Variants in UNCX observed in about 807,000 individuals in gnomAD.
UNCX encodes UNC homeobox, also known as homeobox protein unc-4 homolog.
A neutral mutation model predicts 14.8 loss-of-function variants in UNCX; 4 were observed. The ratio of observed to expected loss-of-function variants is 0.27; its 90% confidence interval spans 0.13 to 0.62. UNCX has a LOEUF of 0.62. Among genes scored for constraint, UNCX ranks in the 20% least tolerant of loss-of-function variants. The pLI is 0.86. For synonymous variants in UNCX, 459 were observed against 395.8 expected (o/e 1.16, Z -1.90); for missense variants, 749 against 786.8 (o/e 0.95, Z 0.58).
At chr7:1,235,703 C>G (rs919918431) in intron 2 of UNCX, 129 bp from the exon 3 acceptor site, 29 of 813,122 alleles carry the variant, frequency 3.6e-5, no homozygotes, top group Non-Finnish European at 5.5e-5. Flanking sequence ...CTCGGCCGCG[C>G]GGCTTCACTC....
intron 2 of UNCX, among the ~76,000 whole-genome samples, chr7:1,235,303 T>C (rs1778717254): frequency 6.6e-6 from 1 of 152,186 alleles, no homozygotes; most frequent in Non-Finnish European, 1.5e-5. Context: ...GAAGCACCCA[T>C]ATTTCCCTTC....
chr7:1,235,665 C>G (rs1778724855), intron 2 of UNCX, among the ~76,000 whole-genome samples, 167 bp from the exon 3 acceptor site: 1 of 152,236 alleles, frequency 6.6e-6, no homozygotes, highest in Non-Finnish European at 1.5e-5. Flanking sequence ...ACCTGCAGCT[C>G]CAGTGGCAAA....
rs1312705326 is a variant in UNCX at position 1,236,345 on chromosome 7, G to C, written c.964G>C (p.Gly322Arg). The change falls in exon 3 of 3, where the codon GGC (glycine) becomes CGC (arginine). Residue 322 changes from glycine to arginine, a missense_variant. By Grantham distance (125) the Gly-to-Arg change is moderately radical (BLOSUM62 -2). Around this residue, in one of 3 missense-constraint regions of UNCX, gnomAD observed 552 missense variants for 507.2 expected, o/e 1.09. Transcript: ENST00000316333. The surrounding 1 kb of genome is among the most constrained non-coding windows in gnomAD (Gnocchi z 6.9). ...GGCCGCTGTGGCGGCGGTGGAGCGC[G>C]GCGCCGCGGGGCTGCCCAAGGCCAG... ...PGAAVAAVER[G>R]AAGLPKASPF... The C allele has an allele frequency of 7.7e-6, 10 of 1,296,928 alleles. No individual in the cohort carries two copies. The highest frequency in any genetic ancestry group is 3.0e-4 in the Middle Eastern group (1 of 3,344). The allele number at this position is 1,296,928 out of a possible 1,614,324, so 80.3% of individuals were successfully genotyped here.
Position 1,232,983 on chromosome 7 carries a change from G to A in UNCX, c.-35G>A. On this transcript the variant is annotated 5_prime_UTR_variant, in exon 1 of 3. Coordinates refer to ENST00000316333, the MANE Select transcript of UNCX (RefSeq NM_001080461.3). ...CCCCGGCCCCGGCCCGCGCCCCCGC[G>A]CCCCGCCACCGGCCCCGCCGGCCCC... The A allele has an allele frequency of 9.1e-7, 1 of 1,097,328 alleles. No individual in the cohort carries two copies. The highest frequency in any genetic ancestry group is 1.7e-5 in the African/African-American group (1 of 58,380). The allele number at this position is 1,097,328 out of a possible 1,614,324, so 68.0% of individuals were successfully genotyped here. A position where few individuals can be genotyped will look rare whatever the true frequency, so the allele number is the denominator to read the frequency against.
At position 1,237,141 on chromosome 7, in the gene UNCX, A is replaced by T. The variant is rs1447131181; in HGVS notation, c.*164A>T. ...TTTTAAGAGTAAACGAAAGTGCTGT[A>T]TGAATTCGGACCCAGGCAGCAACCA... On this transcript the variant is annotated 3_prime_UTR_variant, in exon 3 of 3. Transcript: ENST00000316333. The surrounding 1 kb of genome is among the most constrained non-coding windows in gnomAD (Gnocchi z 5.8). 2 of 621,962 alleles carry T rather than the reference A, an allele frequency of 3.2e-6. No individual in the cohort carries two copies. Among genetic ancestry groups the T allele is most frequent in the African/African-American group, 2.0e-5 (1 of 50,502 alleles). The allele number at this position is 621,962 out of a possible 1,614,324, so 38.5% of individuals were successfully genotyped here. A position where few individuals can be genotyped will look rare whatever the true frequency, so the allele number is the denominator to read the frequency against.
intron 2 of UNCX, among the ~76,000 whole-genome samples, chr7:1,235,358 C>G (rs1008796313): frequency 2.6e-5 from 4 of 152,378 alleles, no homozygotes; most frequent in African/African-American, 9.6e-5. Context: ...TTGACACAGT[C>G]TCCAAGGGGC....
rs1778736124 is a variant in UNCX, at chr7:1,236,167, G to C, written c.786G>C (p.Ser262=). 8.4e-7 allele frequency: 1 copy of C among 1,197,552 alleles called. No homozygotes were observed. The highest frequency in any genetic ancestry group is 1.0e-6 in the Non-Finnish European group (1 of 962,364). 74.2% of individuals were successfully genotyped at this position (1,197,552 alleles called of 1,614,324 possible). The change falls in exon 3 of 3, where the codon TCG becomes TCC. Residue 262 remains serine, a synonymous_variant. Transcript: ENST00000316333. This position sits in a 1 kb window ranked among gnomAD's most constrained non-coding sequence, Gnocchi z 6.9. ...CCAAGGGCCCCGGAGCGCACGCCTC[G>C]GGCGCCGCGGGGACCGCGCCCGCCC... ...PAAKGPGAHA[S]GAAGTAPAPP...
Position 1,235,770 on chromosome 7 carries a change from C to G in UNCX, c.451-62C>G, listed in dbSNP as rs1200509960. On this transcript the variant is annotated intron_variant, in intron 2 of 2. Transcript: ENST00000316333. Reference sequence around the variant, plus strand: ...CCTCTGGGGGGAGCGGGGAGGTCCTCGGCCCCGGCGGCCAGCCCGCCGCCT... The same window carrying G: ...CCTCTGGGGGGAGCGGGGAGGTCCTGGGCCCCGGCGGCCAGCCCGCCGCCT... 5.4e-6 allele frequency: 8 copies of G among 1,494,946 alleles called. No individual in the cohort carries two copies. In the Middle Eastern group the frequency reaches 9.6e-4, roughly 179 times the overall value. 92.6% of individuals were successfully genotyped at this position (1,494,946 alleles called of 1,614,324 possible).
intron 2 of UNCX, among the ~76,000 whole-genome samples, chr7:1,234,178 T>A (rs929594490): frequency 6.6e-6 from 1 of 151,752 alleles, no homozygotes; most frequent in Non-Finnish European, 1.5e-5. Flanking sequence ...AATATTCAGA[T>A]GGAAACATGT....
rs746410395 is a variant in UNCX at position 1,236,123 on chromosome 7, G to C, written c.742G>C (p.Glu248Gln). 1.1e-5 allele frequency: 15 copies of C among 1,313,594 alleles called. No individual in the cohort carries two copies. Among genetic ancestry groups the C allele is most frequent in the Non-Finnish European group, 1.4e-5 (14 of 1,034,448 alleles). 81.4% of individuals were successfully genotyped at this position (1,313,594 alleles called of 1,614,324 possible). ...CGGCGGCCTGTCTCCGGAGCCGCCC[G>C]AGCCGCCGCCGCCCGCCGCCAAGGG... Reference protein sequence around the residue: ...GGGGLSPEPPEPPPPAAKGPG... With the variant: ...GGGGLSPEPPQPPPPAAKGPG... Residue 248 changes from glutamate (E) to glutamine (Q), a missense_variant, in exon 3 of 3, where the codon GAG (glutamate) becomes CAG (glutamine). Glu to Gln is a conservative substitution (Grantham distance 29). Transcript: ENST00000316333. This position sits in a 1 kb window ranked among gnomAD's most constrained non-coding sequence, Gnocchi z 6.9.
chr7:1,236,930 G>T lies in UNCX; in HGVS notation c.1549G>T (p.Ala517Ser). 8.4e-7 allele frequency: 1 copy of T among 1,193,580 alleles called. No individual in the cohort carries two copies. Among genetic ancestry groups the T allele is most frequent in the Non-Finnish European group, 1.0e-6 (1 of 963,148 alleles). 73.9% of individuals were successfully genotyped at this position (1,193,580 alleles called of 1,614,324 possible). ...CTGCGGGGTTCCCGAGCCTGGCGCG[G>T]CGGCCGGACCCAGCCCGCCGGAGGG... ...ATCGVPEPGA[A>S]AGPSPPEGEE... Residue 517 changes from alanine to serine, a missense_variant, in exon 3 of 3, where the codon GCG (alanine) becomes TCG (serine). Coordinates refer to ENST00000316333, the MANE Select transcript of UNCX (RefSeq NM_001080461.3). The surrounding 1 kb of genome is among the most constrained non-coding windows in gnomAD (Gnocchi z 6.9).
Position 1,236,607 on chromosome 7 carries a change from C to T in UNCX, c.1226C>T (p.Ala409Val). 1 of 1,106,208 alleles carries T rather than the reference C, an allele frequency of 9.0e-7. No individual in the cohort carries two copies. The highest frequency in any genetic ancestry group is 1.1e-6 in the Non-Finnish European group (1 of 913,924). The allele number at this position is 1,106,208 out of a possible 1,614,324, so 68.5% of individuals were successfully genotyped here. A position where few individuals can be genotyped will look rare whatever the true frequency, so the allele number is the denominator to read the frequency against. ...GAGLEPAPKD[A>V]PPAPAVPPAP... ...GGCCTGGAGCCGGCGCCCAAGGACG[C>T]GCCGCCCGCGCCCGCCGTGCCGCCC... The change falls in exon 3 of 3, where the codon GCG becomes GTG. Residue 409 changes from alanine to valine, a missense_variant. By Grantham distance (64) the Ala-to-Val change is moderately conservative (BLOSUM62 0). Around this residue, in one of 3 missense-constraint regions of UNCX, gnomAD observed 552 missense variants for 507.2 expected, o/e 1.09. Transcript: ENST00000316333. The surrounding 1 kb of genome is among the most constrained non-coding windows in gnomAD (Gnocchi z 6.9).
In UNCX at chr7:1,233,384, G is replaced by T; in HGVS notation, c.274+93G>T. 1 of 1,361,422 alleles carries T rather than the reference G, an allele frequency of 7.3e-7. No homozygotes were observed. The highest frequency in any genetic ancestry group is 1.7e-5 in the South Asian group (1 of 58,026). 84.3% of individuals were successfully genotyped at this position (1,361,422 alleles called of 1,614,324 possible). On this transcript the variant is annotated intron_variant, in intron 1 of 2. Transcript: ENST00000316333. This position sits in a 1 kb window ranked among gnomAD's most constrained non-coding sequence, Gnocchi z 5.3. ...CGCTGGGGGGCCCGGGGCTGGCGAA[G>T]GAGAGCCGGCTCCTAGGCGGCCGTC...
Position 1,236,578 on chromosome 7 carries a change from C to A in UNCX, c.1197C>A (p.Gly399=). The A allele has an allele frequency of 7.7e-7, 1 of 1,292,990 alleles. No individual in the cohort carries two copies. The highest frequency in any genetic ancestry group is 9.9e-7 in the Non-Finnish European group (1 of 1,008,952). The allele number at this position is 1,292,990 out of a possible 1,614,324, so 80.1% of individuals were successfully genotyped here. A position where few individuals can be genotyped will look rare whatever the true frequency, so the allele number is the denominator to read the frequency against. ...TGCCGCAGGCCGCGCTCAAGGGCGG[C>A]GCGGGCCTGGAGCCGGCGCCCAAGG... ...FLVPQAALKG[G]AGLEPAPKDA... is the part of the protein sequence containing the mutation. The change falls in exon 3 of 3, where the codon GGC becomes GGA. Residue 399 remains glycine, a synonymous_variant. Transcript: ENST00000316333. The surrounding 1 kb of genome is among the most constrained non-coding windows in gnomAD (Gnocchi z 6.9).
Position 1,233,391 on chromosome 7 carries a change from C to T in UNCX, c.274+100C>T. The T allele has an allele frequency of 1.6e-6, 2 of 1,222,714 alleles. No individual in the cohort carries two copies. Among genetic ancestry groups the T allele is most frequent in the Non-Finnish European group, 2.1e-6 (2 of 970,730 alleles). The allele number at this position is 1,222,714 out of a possible 1,614,324, so 75.7% of individuals were successfully genotyped here. On this transcript the variant is annotated intron_variant, in intron 1 of 2. Coordinates refer to ENST00000316333, the MANE Select transcript of UNCX (RefSeq NM_001080461.3). The surrounding 1 kb of genome is among the most constrained non-coding windows in gnomAD (Gnocchi z 5.3). ...GGGCCCGGGGCTGGCGAAGGAGAGC[C>T]GGCTCCTAGGCGGCCGTCTCTGCGC... is the stretch of plus-strand genomic sequence containing the variant.
intron 2 of UNCX, among the ~76,000 whole-genome samples, chr7:1,235,387 G>T (rs1232720500): frequency 6.6e-6 from 1 of 152,380 alleles, no homozygotes; most frequent in Non-Finnish European, 1.5e-5. Flanking sequence ...GGTGTGGAGG[G>T]CGGCTGTGGC....
At position 1,233,470 on chromosome 7, in the gene UNCX, C is replaced by A. The variant is rs758651993; in HGVS notation, c.275-50C>A. The A allele has an allele frequency of 2.3e-5, 33 of 1,448,206 alleles. No individual in the cohort carries two copies. Among genetic ancestry groups the A allele is most frequent in the Middle Eastern group, 2.5e-4 (1 of 4,000 alleles). The allele number at this position is 1,448,206 out of a possible 1,614,324, so 89.7% of individuals were successfully genotyped here. A position where few individuals can be genotyped will look rare whatever the true frequency, so the allele number is the denominator to read the frequency against. On this transcript the variant is annotated intron_variant, in intron 1 of 2. Transcript: ENST00000316333. The surrounding 1 kb of genome is among the most constrained non-coding windows in gnomAD (Gnocchi z 5.3). Reference sequence around the variant, plus strand: ...GGTAGCGGGAGGGAGGGGTGGGGGTCGGGCCTGGGCCGGTGGCTGAGCCGC... The same window carrying A: ...GGTAGCGGGAGGGAGGGGTGGGGGTAGGGCCTGGGCCGGTGGCTGAGCCGC...
Position 1,236,149 on chromosome 7 carries a change from C to A in UNCX, c.768C>A (p.Gly256=), listed in dbSNP as rs770097986. Residue 256 remains glycine (G), a synonymous_variant, in exon 3 of 3, where the codon GGC becomes GGA. Coordinates refer to ENST00000316333, the MANE Select transcript of UNCX (RefSeq NM_001080461.3). This position sits in a 1 kb window ranked among gnomAD's most constrained non-coding sequence, Gnocchi z 6.9. ...AGCCGCCGCCGCCCGCCGCCAAGGG[C>A]CCCGGAGCGCACGCCTCGGGCGCCG... ...PPEPPPPAAK[G]PGAHASGAAG... The A allele has an allele frequency of 7.0e-5, 86 of 1,236,122 alleles. 1 individual carries two copies. Among genetic ancestry groups the A allele is most frequent in the Non-Finnish European group, 8.0e-5 (79 of 985,854 alleles). 76.6% of individuals were successfully genotyped at this position (1,236,122 alleles called of 1,614,324 possible). A position where few individuals can be genotyped will look rare whatever the true frequency, so the allele number is the denominator to read the frequency against.
In UNCX at chr7:1,233,060, G is replaced by C; in HGVS notation, c.43G>C (p.Gly15Arg). Residue 15 changes from glycine (G) to arginine (R), a missense_variant, in exon 1 of 3, where the codon GGG becomes CGG. By Grantham distance (125) the Gly-to-Arg change is moderately radical. Coordinates refer to ENST00000316333, the MANE Select transcript of UNCX (RefSeq NM_001080461.3). The surrounding 1 kb of genome is among the most constrained non-coding windows in gnomAD (Gnocchi z 5.3). ...CCTGGAACACCCGCATGCCCAGTTC[G>C]GGGGCTCGCTGGGCGGCGTGGTGGG... ...RLLEHPHAQF[G>R]GSLGGVVGFP... 1 of 1,421,194 alleles carries C rather than the reference G, an allele frequency of 7.0e-7. No homozygotes were observed. Among genetic ancestry groups the C allele is most frequent in the Non-Finnish European group, 9.2e-7 (1 of 1,085,410 alleles). The allele number at this position is 1,421,194 out of a possible 1,614,324, so 88.0% of individuals were successfully genotyped here. A position where few individuals can be genotyped will look rare whatever the true frequency, so the allele number is the denominator to read the frequency against.
Sources: allele counts gnomAD v4.1 joint callset (sites outside exome capture counted in the v4.1 genomes callset), GRCh38; gene constraint gnomAD v4.1.1; regional missense constraint gnomAD v4.1.1; non-coding constraint Gnocchi (gnomAD v3.1); transcripts MANE v1.5; gene names NCBI Gene and HGNC (gene_info 2026-07-23, HGNC 2026-07-21).